FASTKD2: variants seen among roughly 807,000 people sequenced by gnomAD.
FASTKD2 encodes FAST kinase domain-containing protein 2, mitochondrial.
In FASTKD2, 51 loss-of-function variants were observed where a neutral mutation model predicts 63.6. That is an observed-to-expected ratio of 0.80 (90% CI 0.64 to 1.01). The LOEUF (loss-of-function observed/expected upper bound fraction) is 1.01. Ranked by LOEUF, FASTKD2 falls within the 50% of genes least tolerant of loss-of-function variation. The pLI, the probability that FASTKD2 is intolerant of heterozygous loss-of-function variation, is 0.00. For missense variants in FASTKD2, 786 were observed against 831.1 expected, an observed-to-expected ratio of 0.95 and a Z score of 0.67; for synonymous variants, 284 against 293.4, an observed-to-expected ratio of 0.97 and a Z score of 0.33.
chr2:206,767,074 T>C lies in FASTKD2; in HGVS notation c.381T>C (p.Asp127=). The C allele has an allele frequency of 6.2e-7, 1 of 1,614,154 alleles. No homozygotes were observed. Among genetic ancestry groups the C allele is most frequent in the Non-Finnish European group, 8.5e-7 (1 of 1,180,000 alleles). ...KQSLVPVDKS[D]DELKKVNLNH... Reference sequence around the variant, plus strand: ...CTCTTGTCCCTGTTGATAAATCTGATGATGAATTGAAGAAAGTAAACCTTA... The same window carrying C: ...CTCTTGTCCCTGTTGATAAATCTGACGATGAATTGAAGAAAGTAAACCTTA... The change falls in exon 2 of 12, where the codon GAT becomes GAC. Residue 127 remains aspartate, a synonymous_variant. Transcript: ENST00000402774.
chr2:206,787,912 A>G (rs1690177877), intron 8 of FASTKD2, 25 bp from the exon 9 acceptor site: 2 of 1,311,776 alleles, frequency 1.5e-6, no homozygotes, highest in Middle Eastern at 2.2e-4. Flanking sequence ...CTTCTTAATG[A>G]TATACTCTCT....
At chr2:206,784,919 T>C (rs1195779105) in intron 7 of FASTKD2, among the ~76,000 whole-genome samples, 1 of 152,208 alleles carries the variant, frequency 6.6e-6, no homozygotes, top group Non-Finnish European at 1.5e-5. Flanking sequence ...AAATATAGCA[T>C]GAAAATTCGA....
rs902036629 is a variant in FASTKD2 at position 206,796,080 on chromosome 2, T to C, written c.*4278T>C. Among the ~76,000 whole-genome samples the C allele has an allele frequency of 2.0e-5, 3 of 152,222 alleles. No homozygotes were observed. The highest frequency in any genetic ancestry group is 6.5e-5 in the Admixed American group (1 of 15,280). ...AAAAGCACATTGTGTCTAAACTAGG[T>C]TGCAGTGGTTTCTGTTATCAGCAAG... On this transcript the variant is annotated 3_prime_UTR_variant, in exon 12 of 12. Coordinates refer to ENST00000402774, the MANE Select transcript of FASTKD2 (RefSeq NM_001136193.2).
At chr2:206,784,698 C>G (rs915425013) in intron 7 of FASTKD2, among the ~76,000 whole-genome samples, 1 of 152,186 alleles carries the variant, frequency 6.6e-6, no homozygotes, top group Non-Finnish European at 1.5e-5. Context: ...AGAAGTGTCT[C>G]AAGTTCAGTA....
intron 6 of FASTKD2, among the ~76,000 whole-genome samples, chr2:206,773,207 AG>A (rs1288397467): frequency 6.8e-6 from 1 of 147,798 alleles, no homozygotes; most frequent in African/African-American, 2.5e-5. Flanking sequence ...CCCAGCTACT[AG>A]GGGGGCTGAG....
chr2:206,793,220 CAAAAAAAAAAAAA>C lies in FASTKD2; in HGVS notation c.*1437_*1449del, dbSNP rs58656956. ...CTGACCACAGAGCGAGACTCTGTCT[CAAAAAAAAAAAAA>C]AAAAAAAAAAAAAAAAAATACAAAA... On this transcript the variant is annotated 3_prime_UTR_variant, in exon 12 of 12. Coordinates refer to ENST00000402774, the MANE Select transcript of FASTKD2 (RefSeq NM_001136193.2). Among the ~76,000 whole-genome samples the C allele has an allele frequency of 3.1e-3, 201 of 65,808 alleles. No individual in the cohort carries two copies. Among genetic ancestry groups the C allele is most frequent in the Middle Eastern group, 8.6e-3 (1 of 116 alleles). The allele number at this position is 65,808 out of a possible 152,430, so 43.2% of individuals were successfully genotyped here.
chr2:206,780,066 TA>T (rs1448954403), intron 7 of FASTKD2, among the ~76,000 whole-genome samples: 2 of 152,240 alleles, frequency 1.3e-5, no homozygotes, highest in Non-Finnish European at 2.9e-5. Context: ...TACATCTTTT[TA>T]TATTGTATAT....
At chr2:206,790,148 T>C (rs1033776568) in intron 10 of FASTKD2, 2 of 158,304 alleles carry the variant, frequency 1.3e-5, no homozygotes, top group African/African-American at 4.8e-5. Flanking sequence ...TTCTGTTTTT[T>C]AAATGCTGCT....
intron 11 of FASTKD2, 70 bp from the exon 12 acceptor site, chr2:206,791,613 T>G: frequency 2.8e-6 from 4 of 1,445,284 alleles, no homozygotes; most frequent in South Asian, 1.1e-5. Flanking sequence ...TTACTATGTT[T>G]GGATCTCTAA....
chr2:206,768,048 G>A (rs1253961850), intron 2 of FASTKD2, among the ~76,000 whole-genome samples: 1 of 152,066 alleles, frequency 6.6e-6, no homozygotes, highest in Admixed American at 6.5e-5. Flanking sequence ...GAGGAGTGAG[G>A]GGCAAGAGGC....
chr2:206,775,294 T>C (rs1689792144), intron 7 of FASTKD2, among the ~76,000 whole-genome samples: 1 of 151,426 alleles, frequency 6.6e-6, no homozygotes, highest in African/African-American at 2.4e-5. Context: ...CATACAGGGA[T>C]TCTGCTTTTA....
At chr2:206,784,977 C>T (rs1341703225) in intron 7 of FASTKD2, among the ~76,000 whole-genome samples, 2 of 152,128 alleles carry the variant, frequency 1.3e-5, no homozygotes, top group South Asian at 2.1e-4. Context: ...AAAGACATAC[C>T]CGAGACTGGG....
Position 206,786,821 on chromosome 2 carries a change from T to C in FASTKD2, c.1516T>C (p.Cys506Arg). ...CTTATTGGATGCAGTATATTCATTT[T>C]GCTTGATGAATTACTTTCCCCTGGC... ...ENLLDAVYSF[C>R]LMNYFPLAPF... The change falls in exon 8 of 12, where the codon TGC becomes CGC. Residue 506 changes from cysteine to arginine, a missense_variant. Transcript: ENST00000402774. 6.2e-7 allele frequency: 1 copy of C among 1,613,044 alleles called. No homozygotes were observed. Among genetic ancestry groups the C allele is most frequent in the East Asian group, 2.2e-5 (1 of 44,860 alleles).
chr2:206,786,407 C>T (rs541646377), intron 7 of FASTKD2, among the ~76,000 whole-genome samples: 1 of 152,310 alleles, frequency 6.6e-6, no homozygotes, highest in South Asian at 2.1e-4. Flanking sequence ...TTTGCTACTT[C>T]CTTGTCTGTG....
In FASTKD2 at chr2:206,788,775, T is replaced by C. The variant is rs768106201; in HGVS notation, c.1814-44T>C. ...GAAAAGAAAAGAAAAAGAAAGTCAC[T>C]TGGAGGAATGTTTGAAAAATTAATA... is the stretch of plus-strand genomic sequence containing the variant. On this transcript the variant is annotated intron_variant, in intron 9 of 11. Transcript: ENST00000402774. The C allele has an allele frequency of 3.2e-6, 3 of 948,202 alleles. No individual in the cohort carries two copies. The East Asian group carries it at 7.2e-5, about 23-fold the overall frequency. The allele number at this position is 948,202 out of a possible 1,614,324, so 58.7% of individuals were successfully genotyped here.
intron 7 of FASTKD2, among the ~76,000 whole-genome samples, chr2:206,775,574 TTTTTTG>T (rs944376814): frequency 2.8e-4 from 40 of 144,574 alleles, no homozygotes; most frequent in African/African-American, 1.0e-3. Context: ...TTTTTGTTTG[TTTTTTG>T]TTTTTTTTGA....
Position 206,771,977 on chromosome 2 carries a change from A to G in FASTKD2, c.1074A>G (p.Arg358=), listed in dbSNP as rs1689695394. 1.2e-6 allele frequency: 2 copies of G among 1,613,580 alleles called. No homozygotes were observed. Among genetic ancestry groups the G allele is most frequent in the Non-Finnish European group, 1.7e-6 (2 of 1,179,610 alleles). The change falls in exon 5 of 12, where the codon CGA becomes CGG. Residue 358 remains arginine, a synonymous_variant. Transcript: ENST00000402774. The part of the protein sequence containing the change: ...MFEVLAAMNH[R]SLILLDECSK... ...AAGTACTAGCTGCCATGAATCACCG[A>G]TCTCTTATACTCCTGGATGAATGCA...
rs905647681 is a variant in FASTKD2, at chr2:206,795,522, C to A, written c.*3720C>A. On this transcript the variant is annotated 3_prime_UTR_variant, in exon 12 of 12. Coordinates refer to ENST00000402774, the MANE Select transcript of FASTKD2 (RefSeq NM_001136193.2). The stretch of plus-strand genomic sequence containing the variant: ...TGCTGGGATTATAGGCGTGAGCCAC[C>A]ACCCCCGGTCCAAGATGGCTATCTC... Among the ~76,000 whole-genome samples, 1 of 152,160 alleles carries A rather than the reference C, an allele frequency of 6.6e-6. No individual in the cohort carries two copies. The highest frequency in any genetic ancestry group is 1.9e-4 in the East Asian group (1 of 5,186).
At chr2:206,780,724 G>A (rs550262656) in intron 7 of FASTKD2, among the ~76,000 whole-genome samples, 10 of 151,696 alleles carry the variant, frequency 6.6e-5, no homozygotes, top group African/African-American at 2.4e-4. Flanking sequence ...TTCTTCTCCC[G>A]AGACACCCAT....
Sources: gnomAD v4.1 joint callset for allele counts (sites outside exome capture counted in the v4.1 genomes callset) on GRCh38, gnomAD v4.1.1 for gene constraint, MANE v1.5 for transcripts, NCBI Gene and HGNC (gene_info 2026-07-23, HGNC 2026-07-21) for gene names.